The following OSBPL6 variants were observed in gnomAD, a reference collection of about 807,000 sequenced individuals.
OSBPL6 encodes the protein oxysterol-binding protein-related protein 6.
OSBPL6 carries 49 observed loss-of-function variants against 125.8 expected under a neutral mutation model. That is an observed-to-expected ratio of 0.39 (90% CI 0.31 to 0.49). The LOEUF is 0.49. OSBPL6 is among the 20% of genes least tolerant of loss of function. The pLI is 0.88. For synonymous variants in OSBPL6, 394 were observed against 391.8 expected, an observed-to-expected ratio of 1.01 and a Z score of -0.07; for missense variants, 986 against 1,135.4, an observed-to-expected ratio of 0.87 and a Z score of 1.89.
intron 2 of OSBPL6, among the ~76,000 whole-genome samples, chr2:178,287,296 A>G (rs1467459048): frequency 6.6e-6 from 1 of 152,156 alleles, no homozygotes; most frequent in African/African-American, 2.4e-5. Context: ...CCCCCTAGAT[A>G]CATCAGACAC....
chr2:178,344,551 C>A (rs143744768), intron 11 of OSBPL6, among the ~76,000 whole-genome samples: 101 of 152,270 alleles, frequency 6.6e-4, no homozygotes, highest in African/African-American at 2.4e-3. Flanking sequence ...TTCCTTTTTA[C>A]AATGGAGAAC....
intron 1 of OSBPL6, among the ~76,000 whole-genome samples, chr2:178,243,329 A>C (rs1574605192): frequency 6.6e-6 from 1 of 152,284 alleles, no homozygotes; most frequent in African/African-American, 2.4e-5. Flanking sequence ...ACTTAATCCT[A>C]CCACGTACCT....
chr2:178,327,747 T>TGCAA (rs1403163355), intron 4 of OSBPL6, among the ~76,000 whole-genome samples: 4 of 152,120 alleles, frequency 2.6e-5, no homozygotes, highest in African/African-American at 9.7e-5. Flanking sequence ...CACTTTGGAA[T>TGCAA]GCAAGCAAAC....
intron 1 of OSBPL6, among the ~76,000 whole-genome samples, chr2:178,213,087 G>A (rs569871324): frequency 9.9e-5 from 15 of 152,102 alleles, no homozygotes; most frequent in Admixed American, 2.6e-4. Flanking sequence ...GATTACTGGC[G>A]TGAGCCAACA....
chr2:178,290,392 A>G (rs1340030004), intron 2 of OSBPL6, among the ~76,000 whole-genome samples: 3 of 144,594 alleles, frequency 2.1e-5, no homozygotes, highest in Non-Finnish European at 4.5e-5. Context: ...TTAAAAAAAT[A>G]TTTGTTATGT....
intron 1 of OSBPL6, among the ~76,000 whole-genome samples, chr2:178,228,268 G>GCT (rs1461991441): frequency 2.0e-5 from 3 of 152,202 alleles, no homozygotes; most frequent in African/African-American, 7.2e-5. Context: ...GGGCGCGGTG[G>GCT]CTCATGCCTG....
chr2:178,332,127 G>A (rs1436192996), intron 6 of OSBPL6, among the ~76,000 whole-genome samples: 1 of 152,102 alleles, frequency 6.6e-6, no homozygotes, highest in Non-Finnish European at 1.5e-5. Context: ...AGTAACTGAA[G>A]GCTTAGGTTT....
intron 1 of OSBPL6, among the ~76,000 whole-genome samples, chr2:178,222,342 C>T (rs1400621895): frequency 7.2e-5 from 11 of 152,190 alleles, no homozygotes; most frequent in Admixed American, 7.2e-4. Flanking sequence ...CAAAGGTTTG[C>T]TGATAAAATA....
At chr2:178,304,230 C>G (rs903512424) in intron 2 of OSBPL6, among the ~76,000 whole-genome samples, 2 of 152,100 alleles carry the variant, frequency 1.3e-5, no homozygotes, top group African/African-American at 4.8e-5. Flanking sequence ...CTGTATCAGT[C>G]AATTCTCATG....
intron 16 of OSBPL6, 123 bp downstream of exon 16, chr2:178,382,630 C>T: frequency 6.6e-7 from 1 of 1,513,776 alleles, no homozygotes; most frequent in Non-Finnish European, 8.9e-7. Flanking sequence ...CTTTTGGCAG[C>T]TGATTGTTCA....
intron 5 of OSBPL6, 122 bp downstream of exon 5, chr2:178,328,500 T>C: frequency 1.6e-6 from 2 of 1,221,882 alleles, no homozygotes; most frequent in Non-Finnish European, 2.2e-6. Flanking sequence ...TTTAAAACTT[T>C]TTTTTGAGAC....
rs768720607 is a variant in OSBPL6 at position 178,384,073 on chromosome 2, G to C, written c.1910G>C (p.Cys637Ser). The C allele has an allele frequency of 9.3e-6, 15 of 1,613,936 alleles. No homozygotes were observed. Among genetic ancestry groups the C allele is most frequent in the Non-Finnish European group, 1.2e-5 (14 of 1,179,948 alleles). Residue 637 changes from cysteine (C) to serine (S), a missense_variant, in exon 18 of 25, where the codon TGC becomes TCC. Physicochemically the swap from Cys to Ser is moderately radical, Grantham distance 112. Coordinates refer to ENST00000190611, the MANE Select transcript of OSBPL6 (RefSeq NM_032523.4). ...GCCGCATTTGCAGTTTCAGGATACTGCTCCACCTATTTCAGAGCAGGAAGT... is the reference window on the plus strand; with the variant it reads ...GCCGCATTTGCAGTTTCAGGATACTCCTCCACCTATTTCAGAGCAGGAAGT... ...LVAAFAVSGY[C>S]STYFRAGSKP...
intron 1 of OSBPL6, among the ~76,000 whole-genome samples, chr2:178,219,652 G>T (rs1033018678): frequency 6.6e-6 from 1 of 152,212 alleles, no homozygotes; most frequent in African/African-American, 2.4e-5. Flanking sequence ...GCTGCTGAAA[G>T]CCATCCCATC....
chr2:178,252,525 G>A (rs2091733052), intron 1 of OSBPL6, among the ~76,000 whole-genome samples: 1 of 151,920 alleles, frequency 6.6e-6, no homozygotes, highest in African/African-American at 2.4e-5. Context: ...GATGAATTGG[G>A]TAAAACAAAA....
At chr2:178,241,179 A>T (rs74268206) in intron 1 of OSBPL6, among the ~76,000 whole-genome samples, 1,831 of 69,748 alleles carry the variant, frequency 0.026, 30 homozygotes, top group African/African-American at 0.097. Flanking sequence ...TAGCACAGAT[A>T]TTTTTTTTTT....
chr2:178,254,882 C>T (rs972577338), intron 1 of OSBPL6, among the ~76,000 whole-genome samples: 1 of 152,196 alleles, frequency 6.6e-6, no homozygotes, highest in Non-Finnish European at 1.5e-5. Context: ...GCTACATACC[C>T]AAGACTGGGT....
chr2:178,241,100 T>C (rs1027595975), intron 1 of OSBPL6, among the ~76,000 whole-genome samples: 1 of 152,182 alleles, frequency 6.6e-6, no homozygotes, highest in Non-Finnish European at 1.5e-5. Flanking sequence ...ATCTTAAGTG[T>C]ACTAATGCCA....
chr2:178,220,230 A>C (rs2090277993), intron 1 of OSBPL6, among the ~76,000 whole-genome samples: 1 of 152,152 alleles, frequency 6.6e-6, no homozygotes, highest in South Asian at 2.1e-4. Flanking sequence ...ATTAATGGGA[A>C]GTATATCCTC....
chr2:178,210,825 C>A (rs7369459), intron 1 of OSBPL6, among the ~76,000 whole-genome samples: 1,914 of 89,200 alleles, frequency 0.021, 29 homozygotes, highest in African/African-American at 0.069. Context: ...AAAAAAAAAA[C>A]ACACACACAC....
Sources: gnomAD v4.1 joint callset for allele counts (sites outside exome capture counted in the v4.1 genomes callset) on GRCh38, gnomAD v4.1.1 for gene constraint, MANE v1.5 for transcripts, NCBI Gene and HGNC (gene_info 2026-07-23, HGNC 2026-07-21) for gene names.